Variants in ZNRF3 observed in about 807,000 individuals in gnomAD.
ZNRF3 encodes the protein zinc and ring finger 3, also known as E3 ubiquitin-protein ligase ZNRF3.
Under a neutral mutation model 72.5 loss-of-function variants are expected in ZNRF3, and 23 were observed. The observed-to-expected ratio is 0.32, with a 90% CI of 0.23 to 0.45. ZNRF3 has a LOEUF of 0.45. Among genes scored for constraint, ZNRF3 ranks in the 20% least tolerant of loss-of-function variants. ZNRF3 has a pLI of 1.00. For synonymous variants in ZNRF3, 610 were observed against 545.3 expected, an observed-to-expected ratio of 1.12 and a Z score of -1.65; for missense variants, 1,169 against 1,272.1, an observed-to-expected ratio of 0.92 and a Z score of 1.23.
At chr22:28,900,621 A>G (rs189050913) in intron 1 of ZNRF3, among the ~76,000 whole-genome samples, 4 of 152,320 alleles carry the variant, frequency 2.6e-5, no homozygotes. Flanking sequence ...CAGCTCAGGC[A>G]GTCTGTTGTT....
chr22:28,919,763 T>C (rs1027005752), intron 1 of ZNRF3, among the ~76,000 whole-genome samples: 7 of 152,044 alleles, frequency 4.6e-5, no homozygotes, highest in Non-Finnish European at 1.0e-4. Context: ...TGCCTCAGCC[T>C]CCCAAAGTGC....
intron 2 of ZNRF3, among the ~76,000 whole-genome samples, chr22:29,024,160 C>G (rs2036583361): frequency 6.6e-6 from 1 of 152,094 alleles, no homozygotes; most frequent in South Asian, 2.1e-4. Context: ...TGCAAGAAGT[C>G]CTTTTCTTAA....
chr22:28,965,379 C>T (rs570692972), intron 1 of ZNRF3, among the ~76,000 whole-genome samples: 1 of 152,330 alleles, frequency 6.6e-6, no homozygotes, highest in East Asian at 1.9e-4. Context: ...CTGACCCTTA[C>T]AACTACCTTT....
intron 1 of ZNRF3, among the ~76,000 whole-genome samples, chr22:28,940,973 T>C (rs2034934973): frequency 1.3e-5 from 2 of 152,206 alleles, no homozygotes; most frequent in South Asian, 4.1e-4. Context: ...CCTTTTTTTT[T>C]CCTCCCCCTT....
rs547291393 is a variant in ZNRF3, at chr22:28,978,490, A to G, written c.301-8586A>G. Among the ~76,000 whole-genome samples the G allele has an allele frequency of 6.0e-4, 91 of 152,268 alleles. 1 individual carries two copies. The highest frequency in any genetic ancestry group is 9.2e-4 in the Admixed American group (14 of 15,290). ...CCTTCAGATGTCCACTCCTCAGTGC[A>G]GGGGGCCTGTGGGGTCTCTCTTGGT... is the stretch of plus-strand genomic sequence containing the variant. On this transcript the variant is annotated intron_variant, in intron 1 of 8. Coordinates refer to ENST00000544604, the MANE Select transcript of ZNRF3 (RefSeq NM_001206998.2).
chr22:29,016,014 CAA>C (rs34796724), intron 2 of ZNRF3, among the ~76,000 whole-genome samples: 1 of 102,440 alleles, frequency 9.8e-6, no homozygotes, highest in African/African-American at 3.8e-5. Flanking sequence ...GAAACTGTCT[CAA>C]AAAAAAAAAA....
chr22:29,017,451 A>C (rs2123857164), intron 2 of ZNRF3, among the ~76,000 whole-genome samples: 1 of 152,246 alleles, frequency 6.6e-6, no homozygotes, highest in Non-Finnish European at 1.5e-5. Flanking sequence ...GTGATTTTTA[A>C]ATTGCAGGGA....
At chr22:28,941,654 A>C (rs978350339) in intron 1 of ZNRF3, among the ~76,000 whole-genome samples, 47 of 152,134 alleles carry the variant, frequency 3.1e-4, no homozygotes, top group African/African-American at 1.1e-3. Context: ...CATGGCTCAC[A>C]CCTGTAATCC....
At chr22:28,937,219 T>A (rs1394536114) in intron 1 of ZNRF3, among the ~76,000 whole-genome samples, 76 of 7,316 alleles carry the variant, frequency 0.01, 1 homozygote, top group African/African-American at 0.01. Context: ...ATATATATTT[T>A]TTTTTTTTTT....
At chr22:29,035,361 CAG>C (rs2036848524) in intron 2 of ZNRF3, among the ~76,000 whole-genome samples, 1 of 152,138 alleles carries the variant, frequency 6.6e-6, no homozygotes, top group South Asian at 2.1e-4. Context: ...CTGTTTATAA[CAG>C]AGAAAATATA....
chr22:29,050,252 C>T lies in ZNRF3; in HGVS notation c.2071C>T (p.Pro691Ser), dbSNP rs1264067206. 1 of 1,598,820 alleles carries T rather than the reference C, an allele frequency of 6.3e-7. No individual in the cohort carries two copies. Among genetic ancestry groups the T allele is most frequent in the Admixed American group, 1.7e-5 (1 of 59,980 alleles). Residue 691 changes from proline to serine, a missense_variant, in exon 8 of 9, where the codon CCT becomes TCT. By Grantham distance (74) the Pro-to-Ser change is moderately conservative. Coordinates refer to ENST00000544604, the MANE Select transcript of ZNRF3 (RefSeq NM_001206998.2). ...STSEVGLEAS[P>S]GAAPDLRRTW... is the part of the protein sequence containing the mutation. ...CTCAGAAGTGGGGCTCGAGGCTTCT[C>T]CTGGGGCCGCCCCTGACCTCAGGAG...
Position 29,049,393 on chromosome 22 carries a change from G to A in ZNRF3, c.1212G>A (p.Glu404=), listed in dbSNP as rs1372618449. 1.2e-6 allele frequency: 2 copies of A among 1,611,710 alleles called. No homozygotes were observed. Among genetic ancestry groups the A allele is most frequent in the Admixed American group, 3.3e-5 (2 of 59,984 alleles). The stretch of plus-strand genomic sequence containing the variant: ...TGCTGACCATGGACCGGCACGGGGA[G>A]CAGAGCCTCTATTCCCCGCAGACCC... The part of the protein sequence containing the change: ...VTLLTMDRHG[E]QSLYSPQTPA... Residue 404 remains glutamate (E), a synonymous_variant, in exon 8 of 9, where the codon GAG becomes GAA. Coordinates refer to ENST00000544604, the MANE Select transcript of ZNRF3 (RefSeq NM_001206998.2). This position sits in a 1 kb window ranked among gnomAD's most constrained non-coding sequence, Gnocchi z 5.2.
intron 2 of ZNRF3, among the ~76,000 whole-genome samples, chr22:29,007,181 GC>G (rs1407688610): frequency 6.6e-6 from 1 of 152,182 alleles, no homozygotes; most frequent in African/African-American, 2.4e-5. Context: ...GGGAGCAAAG[GC>G]CCCTGGCTCT....
At chr22:29,014,532 G>A (rs1239482926) in intron 2 of ZNRF3, among the ~76,000 whole-genome samples, 1 of 152,196 alleles carries the variant, frequency 6.6e-6, no homozygotes, top group Non-Finnish European at 1.5e-5. Context: ...AGATGCTTCA[G>A]CCTCCTAGCT....
intron 2 of ZNRF3, among the ~76,000 whole-genome samples, chr22:29,007,519 T>G (rs897609319): frequency 1.3e-5 from 2 of 151,750 alleles, no homozygotes; most frequent in Non-Finnish European, 2.9e-5. Context: ...GGCACCCACT[T>G]ATAGTGCAGC....
rs188911727 is a variant in ZNRF3, at chr22:29,051,704, C to T, written c.2767+756C>T. ...TGTGAATCACTTGAGTTCAGGAGTT[C>T]GAGACCAGCTTGGCCAATATGGTGA... is the stretch of plus-strand genomic sequence containing the variant. On this transcript the variant is annotated intron_variant, in intron 8 of 8. Transcript: ENST00000544604. Among the ~76,000 whole-genome samples, 5 of 151,274 alleles carry T rather than the reference C, an allele frequency of 3.3e-5. No individual in the cohort carries two copies. The South Asian group carries it at 6.3e-4, about 19-fold the overall frequency.
chr22:29,016,037 A>T (rs933084216), intron 2 of ZNRF3, among the ~76,000 whole-genome samples: 2 of 150,112 alleles, frequency 1.3e-5, no homozygotes, highest in African/African-American at 5.0e-5. Flanking sequence ...AAACAAAAAA[A>T]CTGAAACTGG....
chr22:28,994,090 C>G (rs1019407979), intron 2 of ZNRF3, among the ~76,000 whole-genome samples: 2 of 151,568 alleles, frequency 1.3e-5, no homozygotes, highest in Non-Finnish European at 2.9e-5. Flanking sequence ...CCTGGCACAA[C>G]CAAAAGCACT....
At chr22:28,996,667 ATG>A (rs1219642362) in intron 2 of ZNRF3, among the ~76,000 whole-genome samples, 1 of 152,218 alleles carries the variant, frequency 6.6e-6, no homozygotes, top group African/African-American at 2.4e-5. Context: ...GGCCAAAAGA[ATG>A]TTGGTTCTGA....
Sources: allele counts gnomAD v4.1 joint callset (sites outside exome capture counted in the v4.1 genomes callset), GRCh38; gene constraint gnomAD v4.1.1; non-coding constraint Gnocchi (gnomAD v3.1); transcripts MANE v1.5; gene names NCBI Gene and HGNC (gene_info 2026-07-23, HGNC 2026-07-21).